Variants in TENM3 observed in about 807,000 individuals in gnomAD.
TENM3 encodes teneurin transmembrane protein 3.
In TENM3, 63 loss-of-function variants were observed where a neutral mutation model predicts 255.1. The ratio of observed to expected loss-of-function variants is 0.25; its 90% CI spans 0.20 to 0.30. The LOEUF (loss-of-function observed/expected upper bound fraction) is 0.30. TENM3 is among the 10% of genes least tolerant of loss of function. TENM3 has a pLI of 1.00. For missense variants in TENM3, 2,929 were observed against 3,461.1 expected, an observed-to-expected ratio of 0.85 and a Z score of 3.86; for synonymous variants, 1,306 against 1,322.3, an observed-to-expected ratio of 0.99 and a Z score of 0.27.
chr4:182,142,623 G>A (rs544253928), upstream of TENM3: 4 of 167,450 alleles, frequency 2.4e-5, no homozygotes, highest in African/African-American at 9.6e-5. Context: ...AAAGTGGAGG[G>A]TGGCGCGAGG....
At chr4:182,291,423 A>T (rs555664629) in intron 1 of TENM3, among the ~76,000 whole-genome samples, 1 of 152,260 alleles carries the variant, frequency 6.6e-6, no homozygotes, top group East Asian at 1.9e-4. Flanking sequence ...CAGAGATGCA[A>T]TTCCAGGAGA....
At chr4:182,264,697 A>G (rs190789288) in intron 1 of TENM3, among the ~76,000 whole-genome samples, 181 of 152,096 alleles carry the variant, frequency 1.2e-3, no homozygotes, top group African/African-American at 4.3e-3. Flanking sequence ...ACTGTTTTAA[A>G]TTTTCCTTTC....
chr4:181,761,005 CA>C, the TENM3 span, among the ~76,000 whole-genome samples: 1 of 143,814 alleles, frequency 7.0e-6, no homozygotes, highest in Non-Finnish European at 1.6e-5. Flanking sequence ...CACACACACA[CA>C]CACACACCCC....
intron 18 of TENM3, among the ~76,000 whole-genome samples, chr4:182,741,359 C>CTA (rs1401236992): frequency 2.0e-5 from 3 of 152,170 alleles, no homozygotes; most frequent in African/African-American, 7.2e-5. Flanking sequence ...GGTGGATGAG[C>CTA]TATAGAAAGA....
At chr4:181,534,130 C>T in the TENM3 span, among the ~76,000 whole-genome samples, 13 of 151,878 alleles carry the variant, frequency 8.6e-5, no homozygotes, top group Non-Finnish European at 1.9e-4. Flanking sequence ...GTGGCTCATG[C>T]CTGTAATCCC....
chr4:182,536,401 C>G (rs759255811), intron 3 of TENM3, among the ~76,000 whole-genome samples: 1 of 152,224 alleles, frequency 6.6e-6, no homozygotes, highest in Non-Finnish European at 1.5e-5. Flanking sequence ...CTACTGGGCG[C>G]CGGAGCAAAA....
the TENM3 span, among the ~76,000 whole-genome samples, chr4:181,701,820 ACTTTT>A: frequency 2.0e-5 from 3 of 152,198 alleles, no homozygotes; most frequent in Admixed American, 6.6e-5. Context: ...AATAAAGGAA[ACTTTT>A]CTTTTCCTTA....
the TENM3 span, chr4:181,522,682 T>C: frequency 3.1e-6 from 2 of 652,690 alleles, no homozygotes; most frequent in Non-Finnish European, 5.9e-6. Context: ...GATGTGGACA[T>C]AGCTGATGTG....
chr4:181,801,651 A>AATT, the TENM3 span, among the ~76,000 whole-genome samples: 1 of 80,950 alleles, frequency 1.2e-5, no homozygotes, highest in Admixed American at 1.3e-4. Flanking sequence ...AGAATTGTAA[A>AATT]ATATATATAT....
chr4:181,954,638 G>C, the TENM3 span, among the ~76,000 whole-genome samples: 1 of 152,050 alleles, frequency 6.6e-6, no homozygotes, highest in Non-Finnish European at 1.5e-5. Context: ...GTATGCTTCG[G>C]TTATATATTC....
the TENM3 span, among the ~76,000 whole-genome samples, chr4:181,753,302 A>G: frequency 2.0e-5 from 3 of 152,178 alleles, no homozygotes; most frequent in Non-Finnish European, 4.4e-5. Context: ...AGCATAAAAG[A>G]GAAAAATATC....
the TENM3 span, among the ~76,000 whole-genome samples, chr4:181,766,541 G>A: frequency 4.6e-5 from 7 of 152,124 alleles, no homozygotes; most frequent in Admixed American, 1.3e-4. Context: ...GAGCAGAGTG[G>A]AGGTGGCAGG....
intron 17 of TENM3, among the ~76,000 whole-genome samples, chr4:182,738,124 G>A (rs1028645166): frequency 6.6e-6 from 1 of 152,020 alleles, no homozygotes; most frequent in African/African-American, 2.4e-5. Flanking sequence ...GCCCAATCTG[G>A]ACTTTATTTT....
the TENM3 span, among the ~76,000 whole-genome samples, chr4:181,996,159 T>TAAAAAA: frequency 2.7e-4 from 37 of 139,038 alleles, no homozygotes; most frequent in African/African-American, 8.9e-4. Flanking sequence ...TCGCTACGGT[T>TAAAAAA]AAAAAAAAAA....
At chr4:182,166,112 A>G (rs967567222) in intron 1 of TENM3, among the ~76,000 whole-genome samples, 27 of 152,154 alleles carry the variant, frequency 1.8e-4, no homozygotes, top group African/African-American at 6.5e-4. Context: ...GCGTTTATGT[A>G]TGTTGACCCA....
At chr4:181,763,134 T>TA in the TENM3 span, among the ~76,000 whole-genome samples, 2 of 152,194 alleles carry the variant, frequency 1.3e-5, no homozygotes, top group Non-Finnish European at 2.9e-5. Context: ...TCTTCTTTTT[T>TA]ATCTAAGAAA....
chr4:181,530,250 A>G, the TENM3 span, among the ~76,000 whole-genome samples: 1 of 152,236 alleles, frequency 6.6e-6, no homozygotes, highest in Admixed American at 6.5e-5. Context: ...AATAAATAAG[A>G]TGAATGAATA....
chr4:182,689,662 G>A (rs558241898), intron 12 of TENM3, among the ~76,000 whole-genome samples: 206 of 152,236 alleles, frequency 1.4e-3, no homozygotes, highest in African/African-American at 4.8e-3. Context: ...GAGAGGTCAT[G>A]TGTAGCATGC....
the TENM3 span, among the ~76,000 whole-genome samples, chr4:181,896,894 C>T: frequency 2.0e-5 from 3 of 152,178 alleles, no homozygotes; most frequent in East Asian, 5.8e-4. Context: ...AGACCTCTTA[C>T]AGGATGAGGG....
Sources: gnomAD v4.1 joint callset for allele counts (sites outside exome capture counted in the v4.1 genomes callset) on GRCh38, gnomAD v4.1.1 for gene constraint, MANE v1.5 for transcripts, NCBI Gene and HGNC (gene_info 2026-07-23, HGNC 2026-07-21) for gene names.